TENM3: variants seen among roughly 807,000 people sequenced by gnomAD.
The protein encoded by TENM3 is teneurin-3.
Under a neutral mutation model 255.1 loss-of-function variants are expected in TENM3, and 63 were observed. The ratio of observed to expected loss-of-function variants is 0.25; its 90% CI spans 0.20 to 0.30. TENM3 has a LOEUF of 0.30. Among genes scored for constraint, TENM3 ranks in the 10% least tolerant of loss-of-function variants. The pLI is 1.00. For synonymous variants in TENM3, 1,306 were observed against 1,322.3 expected (o/e 0.99, Z 0.27); for missense variants, 2,929 against 3,461.1 (o/e 0.85, Z 3.86).
At chr4:182,389,416 A>G (rs1768247892) in intron 3 of TENM3, among the ~76,000 whole-genome samples, 1 of 151,924 alleles carries the variant, frequency 6.6e-6, no homozygotes, top group African/African-American at 2.4e-5. Context: ...TGCCCAGGCC[A>G]TAGAGATTAG....
At chr4:182,652,933 C>T (rs560340841) in intron 5 of TENM3, among the ~76,000 whole-genome samples, 11 of 152,144 alleles carry the variant, frequency 7.2e-5, no homozygotes, top group African/African-American at 1.4e-4. Flanking sequence ...AGTATGACAG[C>T]GACACATTTT....
intron 3 of TENM3, among the ~76,000 whole-genome samples, chr4:182,558,204 G>C (rs947496852): frequency 1.3e-5 from 2 of 152,296 alleles, no homozygotes; most frequent in South Asian, 2.1e-4. Context: ...TAGCGAAAAC[G>C]CTTGGAAAAC....
chr4:181,752,676 C>T, the TENM3 span, among the ~76,000 whole-genome samples: 6 of 151,974 alleles, frequency 3.9e-5, no homozygotes, highest in Admixed American at 2.6e-4. Context: ...CAACATCCTC[C>T]GTTTTATTTT....
chr4:182,395,831 T>C (rs1245790197), intron 3 of TENM3, among the ~76,000 whole-genome samples: 1 of 152,236 alleles, frequency 6.6e-6, no homozygotes, highest in Non-Finnish European at 1.5e-5. Context: ...CGCTCTGCTC[T>C]GAAATTGCTA....
In TENM3 at chr4:182,793,486, T is replaced by A. The variant is rs1324958468; in HGVS notation, c.6814T>A (p.Ser2272Thr). 8 of 1,613,914 alleles carry A rather than the reference T, an allele frequency of 5.0e-6. No homozygotes were observed. The highest frequency in any genetic ancestry group is 5.1e-6 in the Non-Finnish European group (6 of 1,179,870). The change falls in exon 26 of 28, where the codon TCC (serine) becomes ACC (threonine). Residue 2272 changes from serine (S) to threonine (T), a missense_variant. Ser to Thr is a moderately conservative substitution (Grantham distance 58). Transcript: ENST00000511685. This position sits in a 1 kb window ranked among gnomAD's most constrained non-coding sequence, Gnocchi z 5.7. The stretch of plus-strand genomic sequence containing the variant: ...CAACCATTCGAGTTCAGAAATTACC[T>A]CCCTGTATTATGATCTCCAAGGACA... ...VYNHSSSEIT[S>T]LYYDLQGHLF...
the TENM3 span, among the ~76,000 whole-genome samples, chr4:181,506,504 G>A: frequency 2.0e-5 from 3 of 152,054 alleles, no homozygotes; most frequent in Non-Finnish European, 4.4e-5. Context: ...ATGCCTGAAG[G>A]AACAAGATAT....
At chr4:181,536,803 T>C in the TENM3 span, among the ~76,000 whole-genome samples, 1 of 152,238 alleles carries the variant, frequency 6.6e-6, no homozygotes, top group African/African-American at 2.4e-5. Flanking sequence ...CTTTGCATGG[T>C]AGGCACCTGG....
the TENM3 span, among the ~76,000 whole-genome samples, chr4:181,728,534 G>T: frequency 2.6e-5 from 4 of 152,178 alleles, no homozygotes; most frequent in African/African-American, 9.7e-5. Context: ...TCCTGATGTT[G>T]CCATGGCATT....
chr4:181,517,681 A>G, the TENM3 span, among the ~76,000 whole-genome samples: 1 of 152,232 alleles, frequency 6.6e-6, no homozygotes, highest in Non-Finnish European at 1.5e-5. Context: ...ACTATTTCAT[A>G]ATAGTGCTGA....
At chr4:182,788,181 G>T (rs1337704933) in intron 24 of TENM3, among the ~76,000 whole-genome samples, 1 of 152,196 alleles carries the variant, frequency 6.6e-6, no homozygotes, top group African/African-American at 2.4e-5. Flanking sequence ...ATTTTGGAAT[G>T]TACAAGCCAC....
the TENM3 span, among the ~76,000 whole-genome samples, chr4:181,452,303 A>C: frequency 0.72 from 109,456 of 152,024 alleles, 39,790 homozygotes; most frequent in African/African-American, 0.83. Context: ...AAGTAAAAGG[A>C]AATTTTTAAA....
chr4:182,538,592 G>T (rs1423700681), intron 3 of TENM3, among the ~76,000 whole-genome samples: 2 of 140,508 alleles, frequency 1.4e-5, no homozygotes, highest in African/African-American at 4.9e-5. Flanking sequence ...TCTTTGGCCA[G>T]AAAGCAGTAA....
the TENM3 span, among the ~76,000 whole-genome samples, chr4:181,571,286 T>C: frequency 6.6e-6 from 1 of 152,192 alleles, no homozygotes; most frequent in African/African-American, 2.4e-5. Context: ...CCGTGAACAG[T>C]AACAGTGGCC....
intron 25 of TENM3, among the ~76,000 whole-genome samples, chr4:182,790,601 G>C (rs960265711): frequency 1.5e-4 from 23 of 152,036 alleles, no homozygotes; most frequent in African/African-American, 4.8e-4. Context: ...TGGCCAATCC[G>C]TCCTCTTGCA....
chr4:182,308,944 C>T (rs1209645049), intron 1 of TENM3, among the ~76,000 whole-genome samples: 2 of 152,142 alleles, frequency 1.3e-5, no homozygotes, highest in Admixed American at 6.5e-5. Context: ...AGAATGGAAT[C>T]CTCCGAGTAA....
At chr4:182,611,392 A>C (rs1240573209) in intron 4 of TENM3, among the ~76,000 whole-genome samples, 3 of 151,284 alleles carry the variant, frequency 2.0e-5, no homozygotes, top group Non-Finnish European at 4.4e-5. Flanking sequence ...TTAATTATTA[A>C]ATATATATTT....
chr4:181,716,831 C>A, the TENM3 span, among the ~76,000 whole-genome samples: 2 of 152,108 alleles, frequency 1.3e-5, no homozygotes, highest in Non-Finnish European at 2.9e-5. Context: ...CAAGAAATTT[C>A]ATCAGTTGAT....
chr4:181,600,610 T>G, the TENM3 span, among the ~76,000 whole-genome samples: 1 of 151,548 alleles, frequency 6.6e-6, no homozygotes, highest in African/African-American at 2.4e-5. Context: ...AGTATGCATT[T>G]CCTGGGGACT....
intron 3 of TENM3, among the ~76,000 whole-genome samples, chr4:182,575,709 A>G (rs894944151): frequency 6.6e-6 from 1 of 152,192 alleles, no homozygotes; most frequent in Non-Finnish European, 1.5e-5. Context: ...AAAAAGCACC[A>G]CTTTGGTATC....
Sources: gnomAD v4.1 joint callset for allele counts (sites outside exome capture counted in the v4.1 genomes callset) on GRCh38, gnomAD v4.1.1 for gene constraint, Gnocchi (gnomAD v3.1) non-coding constraint, MANE v1.5 for transcripts, NCBI Gene and HGNC (gene_info 2026-07-23, HGNC 2026-07-21) for gene names.